RABGEF1: variants seen among roughly 807,000 people sequenced by gnomAD.
The protein encoded by RABGEF1 is rab5 GDP/GTP exchange factor.
In RABGEF1, 26 loss-of-function variants were observed where a neutral mutation model predicts 57.3. That is an observed-to-expected ratio of 0.45 (90% CI 0.33 to 0.63). The LOEUF (loss-of-function observed/expected upper bound fraction) is 0.63. RABGEF1 is among the 20% of genes least tolerant of loss of function. The probability of loss-of-function intolerance (pLI) is 0.02; values close to 1 mark genes in which losing one functional copy is unlikely to be tolerated. For synonymous variants in RABGEF1, 185 were observed against 210.7 expected (o/e 0.88, Z 1.06); for missense variants, 464 against 607.6 (o/e 0.76, Z 2.48).
At chr7:66,800,775 A>G (rs1787108991) in intron 7 of RABGEF1, among the ~76,000 whole-genome samples, 1 of 152,162 alleles carries the variant, frequency 6.6e-6, no homozygotes, top group African/African-American at 2.4e-5. Context: ...GCTAATAGGG[A>G]AGTCCCCAGC....
the RABGEF1 span, among the ~76,000 whole-genome samples, chr7:66,659,605 C>T: frequency 6.6e-6 from 1 of 151,796 alleles, no homozygotes; most frequent in Non-Finnish European, 1.5e-5. Context: ...CGTAGTGAAA[C>T]CCCACCTCTA....
chr7:66,784,958 G>A (rs1247777834), intron 4 of RABGEF1, among the ~76,000 whole-genome samples: 1 of 151,850 alleles, frequency 6.6e-6, no homozygotes, highest in African/African-American at 2.4e-5. Context: ...AAAAACTGAG[G>A]TTTTGTATTT....
At chr7:66,666,357 A>C in the RABGEF1 span, 2 of 152,260 alleles carry the variant, frequency 1.3e-5, no homozygotes, top group Non-Finnish European at 2.9e-5. Context: ...CCACCATCCC[A>C]GCTCTGTTGG....
intron 3 of RABGEF1, among the ~76,000 whole-genome samples, chr7:66,780,068 G>A (rs1300775859): frequency 1.3e-5 from 2 of 152,176 alleles, no homozygotes; most frequent in Non-Finnish European, 2.9e-5. Flanking sequence ...AAGCAAAAGT[G>A]TGTCTTTGGA....
At chr7:66,778,836 C>T (rs1809174905) in intron 3 of RABGEF1, among the ~76,000 whole-genome samples, 1 of 152,162 alleles carries the variant, frequency 6.6e-6, no homozygotes, top group Admixed American at 6.5e-5. Flanking sequence ...GACAATAAGG[C>T]CAGGCACGGT....
chr7:66,762,772 G>A (rs1162488291), intron 1 of RABGEF1, among the ~76,000 whole-genome samples: 2 of 152,082 alleles, frequency 1.3e-5, no homozygotes, highest in Non-Finnish European at 2.9e-5. Context: ...ATGGCATTGG[G>A]TCCAATACGG....
intron 1 of RABGEF1, among the ~76,000 whole-genome samples, chr7:66,709,008 T>A (rs1398045914): frequency 6.6e-6 from 1 of 151,992 alleles, no homozygotes; most frequent in Non-Finnish European, 1.5e-5. Context: ...TATGACCTTA[T>A]TTTAATTTTT....
At position 66,795,975 on chromosome 7, in the gene RABGEF1, T is replaced by C. The variant is rs181489760; in HGVS notation, c.595+383T>C. Among the ~76,000 whole-genome samples the C allele has an allele frequency of 2.6e-3, 399 of 152,108 alleles. 3 individuals are homozygous for C. Among genetic ancestry groups the C allele is most frequent in the Non-Finnish European group, 4.5e-3 (309 of 67,974 alleles). On this transcript the variant is annotated intron_variant, in intron 5 of 8. Transcript: ENST00000284957. ...CCAACATGGTGAAACCCCGCCTCTA[T>C]TAAAAATACAAAAAGTAGCCGGGTG... is the stretch of plus-strand genomic sequence containing the variant.
At chr7:66,744,050 T>G (rs1799621757) in intron 1 of RABGEF1, among the ~76,000 whole-genome samples, 1 of 151,184 alleles carries the variant, frequency 6.6e-6, no homozygotes, top group African/African-American at 2.4e-5. Flanking sequence ...TCTTTTTTTT[T>G]TTTTTAAGAC....
At position 66,712,250 on chromosome 7, in the gene RABGEF1, T is replaced by C. The variant is rs540390846; in HGVS notation, c.-815+26T>C. 3.3e-5 allele frequency: 5 copies of C among 152,334 alleles called. No individual in the cohort carries two copies. In the East Asian group the frequency reaches 7.7e-4, roughly 23 times the overall value. The allele number at this position is 152,334 out of a possible 1,614,324, so 9.4% of individuals were successfully genotyped here. On this transcript the variant is annotated intron_variant and NMD_transcript_variant, in intron 2 of 9. Coordinates refer to the RABGEF1 transcript ENST00000607882. ...GTATGCCTCTTCATTTATTTAGGTC[T>C]TTCTAGATTCCTTTTAAAAGCATTT...
chr7:66,797,847 C>T (rs1296392914), intron 6 of RABGEF1, among the ~76,000 whole-genome samples: 3 of 152,140 alleles, frequency 2.0e-5, no homozygotes, highest in Non-Finnish European at 2.9e-5. Flanking sequence ...CAGGGGATGT[C>T]GGCTGGGCCC....
chr7:66,798,357 A>G (rs1584235646), intron 6 of RABGEF1, among the ~76,000 whole-genome samples: 1 of 152,228 alleles, frequency 6.6e-6, no homozygotes, highest in African/African-American at 2.4e-5. Flanking sequence ...AGGTGTTTTA[A>G]GGGGAGAAGG....
chr7:66,799,470 T>A, intron 7 of RABGEF1, 56 bp downstream of exon 7: 1 of 1,361,378 alleles, frequency 7.3e-7, no homozygotes, highest in Non-Finnish European at 1.0e-6. Context: ...AGTTAACATT[T>A]TACTGTAATA....
chr7:66,805,009 TA>T, intron 7 of RABGEF1, 130 bp from the exon 8 acceptor site: 1 of 1,029,444 alleles, frequency 9.7e-7, no homozygotes, highest in South Asian at 1.7e-5. Flanking sequence ...AGTTATTATA[TA>T]CTAAGTTAAC....
chr7:66,731,453 A>G (rs369648076), intron 2 of RABGEF1, among the ~76,000 whole-genome samples: 27 of 152,114 alleles, frequency 1.8e-4, no homozygotes, highest in African/African-American at 6.3e-4. Flanking sequence ...ATGATGGCTC[A>G]CACCTGTAAT....
the RABGEF1 span, among the ~76,000 whole-genome samples, chr7:66,676,924 CTGA>C: frequency 6.6e-6 from 1 of 152,190 alleles, no homozygotes; most frequent in African/African-American, 2.4e-5. Context: ...TAAAAAACTA[CTGA>C]TGAAGTCCAA....
intron 1 of RABGEF1, among the ~76,000 whole-genome samples, chr7:66,743,122 A>C (rs1410655080): frequency 6.6e-6 from 1 of 152,044 alleles, no homozygotes; most frequent in African/African-American, 2.4e-5. Context: ...AGCCTGAGCA[A>C]CATGGTGAAA....
At chr7:66,709,926 A>G (rs1274076809) in intron 1 of RABGEF1, among the ~76,000 whole-genome samples, 1 of 152,104 alleles carries the variant, frequency 6.6e-6, no homozygotes, top group Non-Finnish European at 1.5e-5. Flanking sequence ...AAGTAACATT[A>G]ATTAACACAG....
At chr7:66,807,021 C>T (rs560455736) in intron 8 of RABGEF1, among the ~76,000 whole-genome samples, 47 of 152,100 alleles carry the variant, frequency 3.1e-4, no homozygotes, top group African/African-American at 1.1e-3. Context: ...TTATCCAAAG[C>T]GAGTCAGACA....
Sources: gnomAD v4.1 joint callset for allele counts (sites outside exome capture counted in the v4.1 genomes callset) on GRCh38, gnomAD v4.1.1 for gene constraint, MANE v1.5 for transcripts, NCBI Gene and HGNC (gene_info 2026-07-23, HGNC 2026-07-21) for gene names.